Variants in BANK1 observed in about 807,000 individuals in gnomAD.
The protein encoded by BANK1 is B-cell scaffold protein with ankyrin repeats.
BANK1 carries 95 observed loss-of-function variants against 94.5 expected under a neutral mutation model. The ratio of observed to expected loss-of-function variants is 1.00; its 90% confidence interval spans 0.85 to 1.19. BANK1 has a LOEUF of 1.19. BANK1 is among the 50% of genes most tolerant of loss of function. The pLI, the probability that BANK1 is intolerant of heterozygous loss-of-function variation, is 0.00. For missense variants in BANK1, 987 were observed against 932.2 expected, an observed-to-expected ratio of 1.06 and a Z score of -0.77; for synonymous variants, 334 against 308.4, an observed-to-expected ratio of 1.08 and a Z score of -0.87.
At chr4:102,051,526 G>A (rs1480094017) in intron 11 of BANK1, among the ~76,000 whole-genome samples, 2 of 152,110 alleles carry the variant, frequency 1.3e-5, no homozygotes, top group Non-Finnish European at 2.9e-5. Flanking sequence ...TAAGCTTACT[G>A]GAATCTAGAA....
At chr4:102,062,563 T>C (rs4550926) in intron 12 of BANK1, 46,141 of 152,282 alleles carry the variant, frequency 0.3, 8,549 homozygotes, top group South Asian at 0.44. Flanking sequence ...ATCACAGATG[T>C]GCTAAGAAGA....
intron 10 of BANK1, among the ~76,000 whole-genome samples, chr4:102,042,697 C>T (rs2148955799): frequency 6.6e-6 from 1 of 152,136 alleles, no homozygotes; most frequent in South Asian, 2.1e-4. Flanking sequence ...CAGCACCATC[C>T]AGTTAAAACA....
At chr4:102,025,792 CTCTT>C (rs72093424) in intron 9 of BANK1, among the ~76,000 whole-genome samples, 14,792 of 151,890 alleles carry the variant, frequency 0.097, 1,006 homozygotes, top group Admixed American at 0.2. Context: ...CTCTGTTTCT[CTCTT>C]TCTTTCTTCC....
intron 10 of BANK1, among the ~76,000 whole-genome samples, chr4:102,031,673 C>A (rs1215845989): frequency 6.6e-6 from 1 of 152,106 alleles, no homozygotes; most frequent in African/African-American, 2.4e-5. Context: ...CTTGATACTT[C>A]CTTCCTAATT....
rs17031876 is a variant in BANK1, at chr4:102,024,518, T to C, written c.1286-683T>C. Among the ~76,000 whole-genome samples the C allele has an allele frequency of 5.0e-3, 763 of 152,216 alleles. 14 individuals are homozygous for C. In the East Asian group the frequency reaches 0.06, roughly 12 times the overall value. ...ATATAAAAACAAATAATGGTATGGT[T>C]GTCAGAGTAGAGGGAATTTGGATCA... On this transcript the variant is annotated intron_variant, in intron 8 of 16. Transcript: ENST00000322953.
At chr4:101,932,893 G>T (rs1240222552) in intron 7 of BANK1, among the ~76,000 whole-genome samples, 1 of 151,482 alleles carries the variant, frequency 6.6e-6, no homozygotes. Flanking sequence ...GTATAGCTCT[G>T]TAGCTATATT....
At chr4:101,810,401 A>G (rs943235184) in intron 1 of BANK1, among the ~76,000 whole-genome samples, 3 of 152,216 alleles carry the variant, frequency 2.0e-5, no homozygotes, top group Non-Finnish European at 4.4e-5. Flanking sequence ...CAAGAGTACC[A>G]TAAATACTGC....
chr4:101,994,866 T>G (rs932330061), intron 7 of BANK1, among the ~76,000 whole-genome samples: 7 of 152,114 alleles, frequency 4.6e-5, no homozygotes, highest in Non-Finnish European at 8.8e-5. Flanking sequence ...TTTTACAAGG[T>G]TTATAACAAC....
intron 15 of BANK1, 81 bp from the exon 16 acceptor site, chr4:102,073,603 A>G: frequency 1.5e-6 from 2 of 1,307,576 alleles, no homozygotes; most frequent in Non-Finnish European, 2.2e-6. Flanking sequence ...AGGCAACTAT[A>G]ACTTTGTCAT....
At position 101,986,873 on chromosome 4, in the gene BANK1, ATGTGTG is replaced by A. The variant is rs1164357630; in HGVS notation, c.1207-34619_1207-34614del. 5.8e-4 allele frequency among the ~76,000 whole-genome samples: 27 copies of A among 46,866 alleles called. No individual in the cohort carries two copies. The East Asian group carries it at 8.3e-3, about 14-fold the overall frequency. 30.7% of individuals were successfully genotyped at this position (46,866 alleles called of 152,430 possible). A position where few individuals can be genotyped will look rare whatever the true frequency, so the allele number is the denominator to read the frequency against. On this transcript the variant is annotated intron_variant, in intron 7 of 16. Transcript: ENST00000322953. Reference sequence around the variant, plus strand: ...TATATATGTATATATATATGTGTGTATGTGTGTGTGTGTGTGTGTGTGTGTGTATAT... The same window carrying A: ...TATATATGTATATATATATGTGTGTATGTGTGTGTGTGTGTGTGTGTATAT...
intron 7 of BANK1, among the ~76,000 whole-genome samples, chr4:101,949,415 A>G (rs2148913723): frequency 1.3e-5 from 2 of 152,248 alleles, no homozygotes; most frequent in Middle Eastern, 3.4e-3. Context: ...GGATGCCTTA[A>G]TTAGAACCCT....
intron 7 of BANK1, among the ~76,000 whole-genome samples, chr4:102,007,150 A>ATATATATATATATAT (rs1726331020): frequency 4.4e-5 from 1 of 22,544 alleles, no homozygotes; most frequent in Non-Finnish European, 1.0e-4. Context: ...TATATTTTAT[A>ATATATATATATATAT]TATATATATA....
chr4:102,004,599 A>G (rs1283723620), intron 7 of BANK1, among the ~76,000 whole-genome samples: 1 of 152,186 alleles, frequency 6.6e-6, no homozygotes, highest in Non-Finnish European at 1.5e-5. Flanking sequence ...TTTGCCTTCC[A>G]CAAGATGGAA....
intron 7 of BANK1, among the ~76,000 whole-genome samples, chr4:101,954,024 G>A (rs182415690): frequency 7.9e-5 from 12 of 152,120 alleles, no homozygotes; most frequent in Middle Eastern, 3.4e-3. Context: ...CTGGAGACCC[G>A]AGGAAGAATC....
At chr4:101,993,272 G>T (rs1725770055) in intron 7 of BANK1, among the ~76,000 whole-genome samples, 1 of 152,166 alleles carries the variant, frequency 6.6e-6, no homozygotes, top group Admixed American at 6.6e-5. Flanking sequence ...GGAAAAAGTT[G>T]TACATCGTTT....
At chr4:101,822,907 G>A (rs777515168) in intron 1 of BANK1, among the ~76,000 whole-genome samples, 4 of 152,106 alleles carry the variant, frequency 2.6e-5, no homozygotes, top group African/African-American at 4.8e-5. Flanking sequence ...GAGCCACCGC[G>A]TCTGGCCACC....
At chr4:101,889,968 A>C (rs1560618547) in intron 5 of BANK1, among the ~76,000 whole-genome samples, 1 of 152,202 alleles carries the variant, frequency 6.6e-6, no homozygotes, top group Non-Finnish European at 1.5e-5. Context: ...ATATTTGGAC[A>C]CTTTCCTATG....
chr4:102,025,449 C>CT lies in BANK1; in HGVS notation c.1534_1535insT (p.Pro512LeufsTer8). On this transcript the variant is annotated frameshift_variant, in exon 9 of 17. Transcript: ENST00000322953. LOFTEE classifies it high-confidence loss of function. ...ACTCATGAGCAGCAGACCTCCTCTCCCCCCGCCGCGACCTGTAGCTAATGC... is the reference window on the plus strand; with the variant it reads ...ACTCATGAGCAGCAGACCTCCTCTCCTCCCCGCCGCGACCTGTAGCTAATGC... 1 of 1,614,016 alleles carries CT rather than the reference C, an allele frequency of 6.2e-7. No homozygotes were observed. Among genetic ancestry groups the CT allele is most frequent in the Non-Finnish European group, 8.5e-7 (1 of 1,179,972 alleles).
chr4:101,853,934 A>G (rs1446248075), intron 2 of BANK1, among the ~76,000 whole-genome samples: 1 of 152,162 alleles, frequency 6.6e-6, no homozygotes, highest in Non-Finnish European at 1.5e-5. Flanking sequence ...TATTTTGTCT[A>G]GATTCTGACA....
Sources: allele counts gnomAD v4.1 joint callset (sites outside exome capture counted in the v4.1 genomes callset), GRCh38; gene constraint gnomAD v4.1.1; transcripts MANE v1.5; gene names NCBI Gene and HGNC (gene_info 2026-07-23, HGNC 2026-07-21).